Variants in ATP5F1A observed in about 807,000 individuals in gnomAD.
ATP5F1A encodes the protein ATP synthase F1 subunit alpha.
Under a neutral mutation model 57.4 loss-of-function variants are expected in ATP5F1A, and 24 were observed. That is an observed-to-expected ratio of 0.42 (90% CI 0.30 to 0.59). The LOEUF is 0.59. ATP5F1A is among the 20% of genes least tolerant of loss of function. The pLI is 0.19. For synonymous variants in ATP5F1A, 251 were observed against 255.5 expected (o/e 0.98, Z 0.17); for missense variants, 494 against 707.9 (o/e 0.70, Z 3.43).
intron 2 of ATP5F1A, among the ~76,000 whole-genome samples, chr18:46,092,486 T>C (rs1245308154): frequency 6.6e-6 from 1 of 150,914 alleles, no homozygotes; most frequent in African/African-American, 2.4e-5. Flanking sequence ...GGCATGCCTG[T>C]AGTCCCAGCT....
intron 7 of ATP5F1A, 36 bp downstream of exon 7, chr18:46,087,305 C>T (rs751606511): frequency 1.2e-5 from 19 of 1,612,534 alleles, no homozygotes; most frequent in Non-Finnish European, 1.1e-5. Flanking sequence ...TACTTCAGTA[C>T]AAATAAATGG....
In ATP5F1A at chr18:46,095,091, C is replaced by T; in HGVS notation, c.101G>A (p.Arg34Lys). The T allele has an allele frequency of 6.2e-7, 1 of 1,613,584 alleles. No individual in the cohort carries two copies. The highest frequency in any genetic ancestry group is 8.5e-7 in the Non-Finnish European group (1 of 1,179,808). ...ATGAGTGTTAGAGGCATGGAAGTTC[C>T]TTGCAGCAATGAAAGATGAACCCAA... ...NALGSSFIAA[R>K]NFHASNTHLQ... Residue 34 changes from arginine (R) to lysine (K), a missense_variant, in exon 2 of 12, where the codon AGG becomes AAG. Transcript: ENST00000398752.
chr18:46,095,606 G>A (rs116148212), intron 1 of ATP5F1A, among the ~76,000 whole-genome samples: 6 of 151,372 alleles, frequency 4.0e-5, no homozygotes, highest in Non-Finnish European at 5.9e-5. Flanking sequence ...CGTGAGCACC[G>A]CACCCGGCTT....
At chr18:46,088,406 T>C (rs1453296719) in intron 5 of ATP5F1A, 149 bp from the exon 6 acceptor site, 10 of 701,468 alleles carry the variant, frequency 1.4e-5, no homozygotes, top group Non-Finnish European at 2.2e-5. Context: ...AGAAAAATTC[T>C]TCTGCCTTGA....
chr18:46,081,683 A>AAAAAAAAAAAAAAAC lies in ATP5F1A; in HGVS notation c.*2584_*2598dup, dbSNP rs1909756190. Reference sequence around the variant, plus strand: ...CTCAAAAAAAAAAAACAAAAAAAAAAAAAAAAAAAAAAAACGAAATGTGCA... The same window carrying AAAAAAAAAAAAAAAC: ...CTCAAAAAAAAAAAACAAAAAAAAAAAAAAAAAAAAAAAACAAAAAAAAAAAAAACGAAATGTGCA... On this transcript the variant is annotated 3_prime_UTR_variant, in exon 12 of 12. Transcript: ENST00000398752. 10 of 67,014 alleles carry AAAAAAAAAAAAAAAC rather than the reference A, an allele frequency of 1.5e-4. No homozygotes were observed. The highest frequency in any genetic ancestry group is 4.9e-4 in the African/African-American group (10 of 20,216). The allele number at this position is 67,014 out of a possible 1,614,324, so 4.2% of individuals were successfully genotyped here.
chr18:46,101,903 G>T (rs1911285679), upstream of ATP5F1A, among the ~76,000 whole-genome samples: 1 of 151,262 alleles, frequency 6.6e-6, no homozygotes, highest in Non-Finnish European at 1.5e-5. Flanking sequence ...GGCCGGGCAT[G>T]GTGGCTCATG....
chr18:46,087,001 A>T lies in ATP5F1A; in HGVS notation c.1176+7T>A, dbSNP rs749944786. On this transcript the variant is annotated splice_region_variant and intron_variant, in intron 8 of 11. Transcript: ENST00000398752. Reference sequence around the variant, plus strand: ...TTTAACATTTCTTTTAATCATTAAAATAATACCTGTCCGTCAGTGATGGAA... The same window carrying T: ...TTTAACATTTCTTTTAATCATTAAATTAATACCTGTCCGTCAGTGATGGAA... 114 of 1,613,384 alleles carry T rather than the reference A, an allele frequency of 7.1e-5. No homozygotes were observed. The highest frequency in any genetic ancestry group is 9.5e-5 in the Non-Finnish European group (112 of 1,179,448).
upstream of ATP5F1A, among the ~76,000 whole-genome samples, chr18:46,100,024 G>A (rs1412933614): frequency 2.6e-5 from 4 of 152,140 alleles, no homozygotes; most frequent in Admixed American, 2.6e-4. Context: ...GCTGAGGCGG[G>A]TGGATCACCT....
intron 10 of ATP5F1A, chr18:46,085,895 T>G (rs1421418030): frequency 1.8e-6 from 1 of 548,390 alleles, no homozygotes; most frequent in African/African-American, 1.9e-5. Context: ...GTTGCGCCAT[T>G]GCACTTCAGC....
At chr18:46,103,279 C>G (rs1400124254), upstream of ATP5F1A, among the ~76,000 whole-genome samples, 1 of 151,496 alleles carries the variant, frequency 6.6e-6, no homozygotes, top group Non-Finnish European at 1.5e-5. Context: ...ACTCTGCACT[C>G]CAGCCTAAGC....
intron 6 of ATP5F1A, 28 bp from the exon 7 acceptor site, chr18:46,087,520 C>T (rs1599772434): frequency 2.5e-6 from 4 of 1,606,828 alleles, no homozygotes; most frequent in Non-Finnish European, 3.4e-6. Context: ...ACAATTTTAT[C>T]AATATTGTGG....
At chr18:46,094,337 T>C (rs1164105949) in intron 2 of ATP5F1A, among the ~76,000 whole-genome samples, 3 of 152,128 alleles carry the variant, frequency 2.0e-5, no homozygotes, top group East Asian at 1.9e-4. Context: ...AGTTCACAGA[T>C]TGCCAAATAT....
chr18:46,086,019 A>T, intron 10 of ATP5F1A, 94 bp downstream of exon 10: 1 of 1,333,434 alleles, frequency 7.5e-7, no homozygotes, highest in Non-Finnish European at 1.0e-6. Flanking sequence ...AACAACACGT[A>T]GTACAGGCCG....
At chr18:46,086,860 T>A in intron 8 of ATP5F1A, 148 bp downstream of exon 8, 1 of 850,774 alleles carries the variant, frequency 1.2e-6, no homozygotes, top group Non-Finnish European at 1.8e-6. Context: ...CACTATGCCA[T>A]TCTCCTAACT....
At chr18:46,089,447 A>G (rs1425259555) in intron 5 of ATP5F1A, 119 bp downstream of exon 5, 6 of 1,236,260 alleles carry the variant, frequency 4.9e-6, no homozygotes, top group African/African-American at 1.5e-5. Flanking sequence ...AAATTTTACT[A>G]TTAATCCTCG....
intron 2 of ATP5F1A, among the ~76,000 whole-genome samples, chr18:46,094,026 G>A (rs571491691): frequency 6.6e-6 from 1 of 151,896 alleles, no homozygotes; most frequent in South Asian, 2.1e-4. Flanking sequence ...AGAATCACTT[G>A]AACCCGTGAG....
rs1482363184 is a variant in ATP5F1A, at chr18:46,098,273, C to G, written c.-42G>C. 1.3e-6 allele frequency: 2 copies of G among 1,582,888 alleles called. No individual in the cohort carries two copies. Among genetic ancestry groups the G allele is most frequent in the Non-Finnish European group, 1.7e-6 (2 of 1,168,220 alleles). The stretch of plus-strand genomic sequence containing the variant: ...CAGGCGGTACTTCTGCAGCCGCAGC[C>G]TCCGGACTGACTGGGACAAAATGGC... On this transcript the variant is annotated 5_prime_UTR_variant, in exon 1 of 12. Coordinates refer to ENST00000398752, the MANE Select transcript of ATP5F1A (RefSeq NM_004046.6).
At position 46,095,078 on chromosome 18, in the gene ATP5F1A, G is replaced by A. The variant is rs138315345; in HGVS notation, c.114C>T (p.Ala38=). ...SSFIAARNFH[A]SNTHLQKTGT... ...CAGTCTTTTGAAGATGAGTGTTAGA[G>A]GCATGGAAGTTCCTTGCAGCAATGA... The change falls in exon 2 of 12, where the codon GCC becomes GCT. Residue 38 remains alanine (A), a synonymous_variant. Transcript: ENST00000398752. The A allele has an allele frequency of 1.4e-5, 23 of 1,613,544 alleles. No individual in the cohort carries two copies. Among genetic ancestry groups the A allele is most frequent in the Admixed American group, 3.3e-5 (2 of 59,958 alleles).
upstream of ATP5F1A, among the ~76,000 whole-genome samples, chr18:46,103,052 A>G (rs1371920366): frequency 6.6e-6 from 1 of 152,196 alleles, no homozygotes; most frequent in Non-Finnish European, 1.5e-5. Context: ...CTGTAATCCT[A>G]GCTCTTTGAG....
Sources: allele counts gnomAD v4.1 joint callset (sites outside exome capture counted in the v4.1 genomes callset), GRCh38; gene constraint gnomAD v4.1.1; transcripts MANE v1.5; gene names NCBI Gene and HGNC (gene_info 2026-07-23, HGNC 2026-07-21).